IQSEC1: variants seen among roughly 807,000 people sequenced by gnomAD.
IQSEC1 encodes IQ motif and Sec7 domain ArfGEF 1.
In IQSEC1, 31 loss-of-function variants were observed where a neutral mutation model predicts 91.0. The observed-to-expected ratio is 0.34, with a 90% CI of 0.26 to 0.46. IQSEC1 has a LOEUF of 0.46. IQSEC1 is among the 20% of genes least tolerant of loss of function. The probability of loss-of-function intolerance (pLI) is 1.00; values close to 1 mark genes in which losing one functional copy is unlikely to be tolerated. For missense variants in IQSEC1, 1,388 were observed against 1,575.6 expected (o/e 0.88, Z 2.02); for synonymous variants, 699 against 662.6 (o/e 1.05, Z -0.84).
chr3:13,051,467 TGGCAGG>T (rs982050903), intron 1 of IQSEC1, among the ~76,000 whole-genome samples: 6 of 152,134 alleles, frequency 3.9e-5, no homozygotes, highest in African/African-American at 1.4e-4. Context: ...TGACTGTGAC[TGGCAGG>T]GGCAGGGGCA....
intron 1 of IQSEC1, among the ~76,000 whole-genome samples, chr3:13,228,997 C>T (rs1559281667): frequency 6.6e-6 from 1 of 152,222 alleles, no homozygotes; most frequent in Non-Finnish European, 1.5e-5. Context: ...CTCTTTTCAC[C>T]ACTAGAGCCT....
chr3:13,146,231 C>T (rs1335877402), intron 2 of IQSEC1, among the ~76,000 whole-genome samples: 1 of 152,006 alleles, frequency 6.6e-6, no homozygotes, highest in Non-Finnish European at 1.5e-5. Flanking sequence ...AAGTAATCTT[C>T]CCACCTTGGC....
chr3:12,906,826 G>A (rs550507992), intron 12 of IQSEC1, among the ~76,000 whole-genome samples: 1 of 152,322 alleles, frequency 6.6e-6, no homozygotes, highest in East Asian at 1.9e-4. Context: ...GCTAAGGGAA[G>A]GGAGAGGGCA....
At chr3:13,194,767 A>G (rs1417021845) in intron 1 of IQSEC1, among the ~76,000 whole-genome samples, 1 of 152,188 alleles carries the variant, frequency 6.6e-6, no homozygotes, top group Non-Finnish European at 1.5e-5. Flanking sequence ...CAAACAGGGA[A>G]TTACGGCACC....
At chr3:13,010,894 A>G (rs376085256) in intron 1 of IQSEC1, among the ~76,000 whole-genome samples, 15 of 151,636 alleles carry the variant, frequency 9.9e-5, no homozygotes, top group African/African-American at 3.4e-4. Context: ...CACCATGAAG[A>G]CTCGACCTAC....
rs77530882 is a variant in IQSEC1 at position 13,147,184 on chromosome 3, T to C, written c.302+16920A>G. The stretch of plus-strand genomic sequence containing the variant: ...TGTTGTTATTATTAATATACTTTTA[T>C]AGCTTTTGGTGTACAAGCGGTTTTT... On this transcript the variant is annotated intron_variant, in intron 2 of 15. Coordinates refer to the IQSEC1 transcript ENST00000648114. 7.2e-3 allele frequency among the ~76,000 whole-genome samples: 1,095 copies of C among 152,360 alleles called. 3 individuals are homozygous for C. The highest frequency in any genetic ancestry group is 0.011 in the Non-Finnish European group (780 of 68,030).
intron 1 of IQSEC1, among the ~76,000 whole-genome samples, chr3:13,257,326 A>C (rs1695307642): frequency 6.6e-6 from 1 of 152,216 alleles, no homozygotes; most frequent in African/African-American, 2.4e-5. Context: ...ATTCTCCAGA[A>C]GACATAACAT....
At chr3:13,015,783 G>A (rs1051291328) in intron 1 of IQSEC1, 7 of 959,346 alleles carry the variant, frequency 7.3e-6, no homozygotes, top group Non-Finnish European at 7.4e-6. Context: ...CCTCCAAAAG[G>A]CCCCCAGGCA....
At chr3:12,982,205 A>G (rs186720692) in intron 1 of IQSEC1, among the ~76,000 whole-genome samples, 49 of 152,298 alleles carry the variant, frequency 3.2e-4, no homozygotes, top group African/African-American at 1.1e-3. Flanking sequence ...GTTGTCCTTT[A>G]GCATTTTATC....
chr3:13,238,149 C>T (rs561295544), intron 1 of IQSEC1, among the ~76,000 whole-genome samples: 44 of 152,338 alleles, frequency 2.9e-4, no homozygotes, highest in African/African-American at 1.0e-3. Flanking sequence ...CGCACCTCCA[C>T]GTGCCCATCT....
At chr3:13,049,414 C>G (rs1027291886) in intron 1 of IQSEC1, among the ~76,000 whole-genome samples, 1 of 152,198 alleles carries the variant, frequency 6.6e-6, no homozygotes, top group Non-Finnish European at 1.5e-5. Context: ...AATATCTTCA[C>G]CTACTGCAGG....
At chr3:13,225,943 C>T (rs1694746464) in intron 1 of IQSEC1, among the ~76,000 whole-genome samples, 1 of 151,870 alleles carries the variant, frequency 6.6e-6, no homozygotes, top group Non-Finnish European at 1.5e-5. Flanking sequence ...GCAATTGTGC[C>T]ATCTCTGCTC....
intron 2 of IQSEC1, among the ~76,000 whole-genome samples, chr3:13,111,063 G>C (rs1395136323): frequency 2.0e-5 from 3 of 152,212 alleles, no homozygotes; most frequent in Non-Finnish European, 4.4e-5. Flanking sequence ...CCAGCAAAGT[G>C]CGCCAGAGAG....
At chr3:13,090,217 CA>C (rs35754054) in intron 2 of IQSEC1, among the ~76,000 whole-genome samples, 2 of 141,614 alleles carry the variant, frequency 1.4e-5, no homozygotes, top group African/African-American at 5.1e-5. Flanking sequence ...GACTCTGTCT[CA>C]AAAAAAATAA....
chr3:12,914,342 G>C (rs1396878032), intron 8 of IQSEC1, among the ~76,000 whole-genome samples: 1 of 152,220 alleles, frequency 6.6e-6, no homozygotes, highest in Admixed American at 6.5e-5. Flanking sequence ...GGATGGGGGA[G>C]GCGGTCAAAG....
rs1007584977 is a variant in IQSEC1, at chr3:12,992,243, G to A, written c.24-50378C>T. Reference sequence around the variant, plus strand: ...AGTTCTCCATCTCTAACACAGTAGGGTGGCTCCGGGATGCTCCCTCCGGCA... The same window carrying A: ...AGTTCTCCATCTCTAACACAGTAGGATGGCTCCGGGATGCTCCCTCCGGCA... On this transcript the variant is annotated intron_variant, in intron 1 of 13. Coordinates refer to ENST00000613206, the MANE Select transcript of IQSEC1 (RefSeq NM_001134382.3). The surrounding 1 kb of genome is among the most constrained non-coding windows in gnomAD (Gnocchi z 4.1). Among the ~76,000 whole-genome samples the A allele has an allele frequency of 6.6e-6, 1 of 151,464 alleles. No individual in the cohort carries two copies. The highest frequency in any genetic ancestry group is 6.6e-5 in the Admixed American group (1 of 15,174).
chr3:12,901,027 TG>T lies in IQSEC1; in HGVS notation c.3300del (p.Thr1101ProfsTer19), dbSNP rs980507785. On this transcript the variant is annotated frameshift_variant, in exon 14 of 14. Transcript: ENST00000613206. LOFTEE classifies it high-confidence loss of function. The stretch of plus-strand genomic sequence containing the variant: ...CCGCTGGGTTTGGCCTTGCTGCTGG[TG>T]GGGGGCGGCGGGGCAGGGGGCTGCC... ...HHGQPPAPPP[P>X]TSSKAKPSGI... The T allele has an allele frequency of 2.8e-6, 4 of 1,410,526 alleles. No individual in the cohort carries two copies. The allele number at this position is 1,410,526 out of a possible 1,614,324, so 87.4% of individuals were successfully genotyped here.
chr3:13,239,895 T>A (rs1296155746), intron 1 of IQSEC1, among the ~76,000 whole-genome samples: 3 of 152,014 alleles, frequency 2.0e-5, no homozygotes, highest in African/African-American at 7.2e-5. Flanking sequence ...GAGGAGTTAG[T>A]GTTGAGTGGG....
chr3:13,208,789 C>G (rs1317951864), intron 1 of IQSEC1, among the ~76,000 whole-genome samples: 1 of 152,228 alleles, frequency 6.6e-6, no homozygotes, highest in Admixed American at 6.5e-5. Flanking sequence ...CCTCCCCAGG[C>G]TGCCCGCACT....
Sources: gnomAD v4.1 joint callset for allele counts (sites outside exome capture counted in the v4.1 genomes callset) on GRCh38, gnomAD v4.1.1 for gene constraint, Gnocchi (gnomAD v3.1) non-coding constraint, MANE v1.5 for transcripts, NCBI Gene and HGNC (gene_info 2026-07-23, HGNC 2026-07-21) for gene names.